ZDHHC20: variants seen among roughly 807,000 people sequenced by gnomAD.
The protein encoded by ZDHHC20 is zDHHC palmitoyltransferase 20, also known as palmitoyltransferase ZDHHC20.
In ZDHHC20, 43 loss-of-function variants were observed where a neutral mutation model predicts 57.8. That is an observed-to-expected ratio of 0.74 (90% CI 0.58 to 0.96). The LOEUF is 0.96. ZDHHC20 is among the 40% of genes least tolerant of loss of function. The pLI, the probability that ZDHHC20 is intolerant of heterozygous loss-of-function variation, is 0.00. For synonymous variants in ZDHHC20, 157 were observed against 153.0 expected (o/e 1.03, Z -0.19); for missense variants, 391 against 441.1 (o/e 0.89, Z 1.02).
chr13:21,400,268 TA>T, intron 7 of ZDHHC20, 104 bp downstream of exon 7: 1 of 1,129,754 alleles, frequency 8.9e-7, no homozygotes, highest in Non-Finnish European at 1.2e-6. Flanking sequence ...CTCTAACTTG[TA>T]AAATTAAAGT....
chr13:21,417,851 T>C (rs957827790), intron 3 of ZDHHC20, among the ~76,000 whole-genome samples: 2 of 152,178 alleles, frequency 1.3e-5, no homozygotes, highest in Non-Finnish European at 2.9e-5. Flanking sequence ...TTTGGTGTTA[T>C]ATTAGCACCA....
At chr13:21,414,170 A>G (rs933836506) in intron 3 of ZDHHC20, among the ~76,000 whole-genome samples, 2 of 151,590 alleles carry the variant, frequency 1.3e-5, no homozygotes, top group Non-Finnish European at 2.9e-5. Context: ...GAAAGGCTAA[A>G]TCACAGTCAT....
In ZDHHC20 at chr13:21,459,223, G is replaced by C; in HGVS notation, c.-52C>G. The C allele has an allele frequency of 4.2e-6, 6 of 1,442,298 alleles. No homozygotes were observed. Among genetic ancestry groups the C allele is most frequent in the Non-Finnish European group, 5.6e-6 (6 of 1,066,918 alleles). The allele number at this position is 1,442,298 out of a possible 1,614,324, so 89.3% of individuals were successfully genotyped here. A position where few individuals can be genotyped will look rare whatever the true frequency, so the allele number is the denominator to read the frequency against. ...CGTCCCACCGTTCTGGGGAGCGCGG[G>C]AGCCCCGGCGACGGTGACTCGGACG... On this transcript the variant is annotated 5_prime_UTR_variant, in exon 1 of 13. Transcript: ENST00000400590.
At chr13:21,400,246 G>A in intron 7 of ZDHHC20, 127 bp downstream of exon 7, 1 of 879,442 alleles carries the variant, frequency 1.1e-6, no homozygotes. Context: ...GTCCTCTGAT[G>A]GATTTATAAA....
intron 1 of ZDHHC20, among the ~76,000 whole-genome samples, chr13:21,452,841 A>G (rs142064097): frequency 6.6e-6 from 1 of 152,322 alleles, no homozygotes; most frequent in African/African-American, 2.4e-5. Flanking sequence ...ATAAGGAGAT[A>G]GAATCATTTT....
intron 7 of ZDHHC20, among the ~76,000 whole-genome samples, chr13:21,392,913 A>C (rs2137737345): frequency 6.6e-6 from 1 of 152,322 alleles, no homozygotes; most frequent in East Asian, 1.9e-4. Flanking sequence ...ATTCACTATA[A>C]ATGTCACAAA....
At chr13:21,383,581 C>A (rs1324225929) in intron 9 of ZDHHC20, among the ~76,000 whole-genome samples, 1 of 152,200 alleles carries the variant, frequency 6.6e-6, no homozygotes, top group Non-Finnish European at 1.5e-5. Flanking sequence ...ACAATGTCTT[C>A]TGTGCCTATT....
At chr13:21,392,072 T>C (rs1006599704) in intron 7 of ZDHHC20, among the ~76,000 whole-genome samples, 1 of 152,198 alleles carries the variant, frequency 6.6e-6, no homozygotes, top group Non-Finnish European at 1.5e-5. Flanking sequence ...TTTAAAATAC[T>C]GCTCTTAAAT....
At chr13:21,437,836 C>T (rs565554096) in intron 1 of ZDHHC20, among the ~76,000 whole-genome samples, 6 of 152,188 alleles carry the variant, frequency 3.9e-5, no homozygotes, top group African/African-American at 1.2e-4. Context: ...GGACTACAGG[C>T]GCCCGCCACC....
At chr13:21,458,738 C>T (rs1197587258) in intron 1 of ZDHHC20, among the ~76,000 whole-genome samples, 1 of 152,234 alleles carries the variant, frequency 6.6e-6, no homozygotes, top group African/African-American at 2.4e-5. Context: ...TACTCCCGTT[C>T]TGCACGTTCC....
chr13:21,384,005 G>C (rs1035389424), intron 9 of ZDHHC20, among the ~76,000 whole-genome samples: 1 of 151,996 alleles, frequency 6.6e-6, no homozygotes, highest in African/African-American at 2.4e-5. Flanking sequence ...ATAGGCAGTA[G>C]AGAACTGTGG....
intron 12 of ZDHHC20, 23 bp downstream of exon 12, chr13:21,378,638 G>A (rs1239002088): frequency 4.0e-6 from 5 of 1,260,048 alleles, no homozygotes; most frequent in East Asian, 5.7e-5. Flanking sequence ...ATTTATTCAA[G>A]GATTACCTTT....
chr13:21,444,419 T>G (rs768188592), intron 1 of ZDHHC20, among the ~76,000 whole-genome samples: 2 of 152,190 alleles, frequency 1.3e-5, no homozygotes, highest in African/African-American at 2.4e-5. Flanking sequence ...TTTCATAAAC[T>G]GCAATAATTT....
chr13:21,459,000 T>C, intron 1 of ZDHHC20, 54 bp downstream of exon 1: 1 of 1,446,518 alleles, frequency 6.9e-7, no homozygotes, highest in Non-Finnish European at 9.4e-7. Context: ...GAGGCCTATC[T>C]CGCGCCCTAG....
intron 4 of ZDHHC20, among the ~76,000 whole-genome samples, chr13:21,408,639 C>G (rs1878783331): frequency 6.6e-6 from 1 of 152,134 alleles, no homozygotes; most frequent in South Asian, 2.1e-4. Context: ...CCAGAACTTC[C>G]AATACTATGT....
At chr13:21,389,762 T>C (rs1875319191) in intron 8 of ZDHHC20, among the ~76,000 whole-genome samples, 1 of 152,172 alleles carries the variant, frequency 6.6e-6, no homozygotes, top group African/African-American at 2.4e-5. Context: ...CTTAGCTCCA[T>C]TTCACTGACG....
At chr13:21,429,600 T>C (rs1010079022) in intron 1 of ZDHHC20, among the ~76,000 whole-genome samples, 6 of 152,218 alleles carry the variant, frequency 3.9e-5, no homozygotes, top group African/African-American at 1.4e-4. Context: ...CTGTTCAGAG[T>C]TTGCTGAACT....
intron 3 of ZDHHC20, among the ~76,000 whole-genome samples, chr13:21,414,930 T>C (rs973313765): frequency 6.6e-6 from 1 of 152,106 alleles, no homozygotes; most frequent in Non-Finnish European, 1.5e-5. Context: ...TTGTTCTTCA[T>C]TGTGTTTTAT....
chr13:21,430,402 T>C (rs1881774876), intron 1 of ZDHHC20, among the ~76,000 whole-genome samples: 1 of 151,826 alleles, frequency 6.6e-6, no homozygotes, highest in Non-Finnish European at 1.5e-5. Flanking sequence ...GGTGGGGGGA[T>C]GGAAGGGACA....
Sources: allele counts gnomAD v4.1 joint callset (sites outside exome capture counted in the v4.1 genomes callset), GRCh38; gene constraint gnomAD v4.1.1; transcripts MANE v1.5; gene names NCBI Gene and HGNC (gene_info 2026-07-23, HGNC 2026-07-21).